The following FGGY variants were observed in gnomAD, a reference collection of about 807,000 sequenced individuals.
The protein encoded by FGGY is FGGY carbohydrate kinase domain containing, also known as FGGY carbohydrate kinase domain-containing protein.
In FGGY, 72 loss-of-function variants were observed where a neutral mutation model predicts 71.3. The ratio of observed to expected loss-of-function variants is 1.01; its 90% CI spans 0.84 to 1.23. The LOEUF (loss-of-function observed/expected upper bound fraction) is 1.23. Among genes scored for constraint, FGGY ranks in the 50% most tolerant of loss-of-function variants. FGGY has a pLI of 0.00. For missense variants in FGGY, 668 were observed against 682.3 expected (o/e 0.98, Z 0.23); for synonymous variants, 251 against 250.3 (o/e 1.00, Z -0.02).
At chr1:59,364,333 A>G (rs2056188640) in intron 4 of FGGY, among the ~76,000 whole-genome samples, 1 of 152,220 alleles carries the variant, frequency 6.6e-6, no homozygotes, top group African/African-American at 2.4e-5. Flanking sequence ...GAAGAAATTT[A>G]TCTTCCTGGC....
intron 4 of FGGY, among the ~76,000 whole-genome samples, chr1:59,368,383 G>T (rs1425402906): frequency 6.6e-6 from 1 of 152,192 alleles, no homozygotes. Context: ...GGACTGGGAG[G>T]TTCAGGGTGG....
intron 6 of FGGY, among the ~76,000 whole-genome samples, chr1:59,464,086 T>G (rs1175882228): frequency 6.6e-6 from 1 of 152,172 alleles, no homozygotes; most frequent in Non-Finnish European, 1.5e-5. Context: ...CACATTGCAC[T>G]TATTCCAAAA....
intron 7 of FGGY, among the ~76,000 whole-genome samples, chr1:59,534,094 A>G (rs1257782067): frequency 6.6e-6 from 1 of 152,184 alleles, no homozygotes; most frequent in Non-Finnish European, 1.5e-5. Flanking sequence ...AAACATTTAG[A>G]AGAATGTATA....
chr1:59,690,183 T>TTA (rs1307583165), intron 14 of FGGY, among the ~76,000 whole-genome samples: 2 of 152,084 alleles, frequency 1.3e-5, no homozygotes, highest in African/African-American at 2.4e-5. Context: ...TTCCAACATA[T>TTA]TATAGTATGG....
chr1:59,568,464 C>CGGGGGGGGTGG (rs2095915882), intron 8 of FGGY, among the ~76,000 whole-genome samples: 1 of 59,402 alleles, frequency 1.7e-5, no homozygotes, highest in African/African-American at 5.9e-5. Context: ...GTCGGGGGGG[C>CGGGGGGGGTGG]GGGGGGGGGT....
At chr1:59,653,070 T>TCAGCAG (rs2097180856) in intron 11 of FGGY, among the ~76,000 whole-genome samples, 1 of 152,154 alleles carries the variant, frequency 6.6e-6, no homozygotes, top group African/African-American at 2.4e-5. Flanking sequence ...TGCTCGTGGG[T>TCAGCAG]CAGGGTTCAG....
chr1:59,360,509 C>T (rs894576501), intron 4 of FGGY, among the ~76,000 whole-genome samples: 3 of 152,146 alleles, frequency 2.0e-5, no homozygotes, highest in South Asian at 2.1e-4. Flanking sequence ...AGGGCTTTCC[C>T]CCAGGCTTTT....
At chr1:59,605,057 C>T (rs2096611194) in intron 8 of FGGY, among the ~76,000 whole-genome samples, 2 of 152,170 alleles carry the variant, frequency 1.3e-5, no homozygotes, top group Non-Finnish European at 2.9e-5. Flanking sequence ...CTTTCTCTCT[C>T]ATACACACAA....
chr1:59,622,277 G>A (rs116100567), intron 9 of FGGY, among the ~76,000 whole-genome samples: 172 of 151,866 alleles, frequency 1.1e-3, no homozygotes, highest in African/African-American at 4.0e-3. Context: ...ATCTTCTAAC[G>A]CCTGTGTCAC....
intron 4 of FGGY, among the ~76,000 whole-genome samples, chr1:59,377,433 G>C (rs774504808): frequency 2.0e-5 from 3 of 152,122 alleles, no homozygotes; most frequent in Non-Finnish European, 4.4e-5. Flanking sequence ...AGTGAAAGCA[G>C]GGGAAGCCCC....
chr1:59,669,540 C>CTTTTTTTTTTTTTTTTTTTTTTTTTTT (rs58004594), intron 13 of FGGY, among the ~76,000 whole-genome samples: 1 of 102,498 alleles, frequency 9.8e-6, no homozygotes, highest in Non-Finnish European at 1.8e-5. Flanking sequence ...TTCTAGACTT[C>CTTTTTTTTTTTTTTTTTTTTTTTTTTT]TTTTTTTTTT....
intron 6 of FGGY, among the ~76,000 whole-genome samples, chr1:59,492,510 A>C (rs2093898246): frequency 6.6e-6 from 1 of 152,146 alleles, no homozygotes; most frequent in South Asian, 2.1e-4. Flanking sequence ...ATCTTTCAAT[A>C]TCTAATTGCA....
chr1:59,616,437 C>G (rs1049750770), intron 9 of FGGY, among the ~76,000 whole-genome samples: 1 of 152,058 alleles, frequency 6.6e-6, no homozygotes, highest in Admixed American at 6.5e-5. Flanking sequence ...ACAGTGAGAA[C>G]ACATGGACAC....
At chr1:59,379,881 T>C (rs1039979642) in intron 5 of FGGY, among the ~76,000 whole-genome samples, 4 of 152,126 alleles carry the variant, frequency 2.6e-5, no homozygotes, top group Non-Finnish European at 5.9e-5. Flanking sequence ...ACATGTGCCA[T>C]GTTGGTGTGC....
At chr1:59,513,545 G>A (rs2094567186) in intron 7 of FGGY, among the ~76,000 whole-genome samples, 1 of 152,176 alleles carries the variant, frequency 6.6e-6, no homozygotes. Flanking sequence ...ACACTCAGGT[G>A]TATTTAGAAA....
intron 11 of FGGY, among the ~76,000 whole-genome samples, chr1:59,639,142 T>C (rs74933689): frequency 0.037 from 5,647 of 152,072 alleles, 212 homozygotes; most frequent in African/African-American, 0.099. Flanking sequence ...AAGGTGAGTG[T>C]GAGGTACATT....
intron 4 of FGGY, among the ~76,000 whole-genome samples, chr1:59,365,198 G>A (rs138865541): frequency 6.6e-6 from 1 of 152,282 alleles, no homozygotes; most frequent in East Asian, 1.9e-4. Flanking sequence ...AGAGAGCATG[G>A]GAACAGTGAA....
chr1:59,360,439 C>T (rs541643607), intron 4 of FGGY, among the ~76,000 whole-genome samples: 3 of 152,264 alleles, frequency 2.0e-5, no homozygotes, highest in African/African-American at 7.2e-5. Context: ...CCTCCCATGT[C>T]CTGGGAAGCA....
At chr1:59,538,275 A>G (rs2095370234) in intron 7 of FGGY, among the ~76,000 whole-genome samples, 1 of 151,672 alleles carries the variant, frequency 6.6e-6, no homozygotes, top group Non-Finnish European at 1.5e-5. Flanking sequence ...AGAGAAATGC[A>G]AATCAAAACC....
Sources: gnomAD v4.1 joint callset for allele counts (sites outside exome capture counted in the v4.1 genomes callset) on GRCh38, gnomAD v4.1.1 for gene constraint, MANE v1.5 for transcripts, NCBI Gene and HGNC (gene_info 2026-07-23, HGNC 2026-07-21) for gene names.